Variants in AFF1 observed in about 807,000 individuals in gnomAD.
AFF1 encodes the protein AF4/FMR2 family member 1.
A neutral mutation model predicts 121.7 loss-of-function variants in AFF1; 48 were observed. The observed-to-expected ratio is 0.39, with a 90% CI of 0.31 to 0.50. The LOEUF is 0.50. Ranked by LOEUF, AFF1 falls within the 20% of genes least tolerant of loss-of-function variation. The pLI is 0.76. For synonymous variants in AFF1, 613 were observed against 563.0 expected (o/e 1.09, Z -1.26); for missense variants, 1,523 against 1,511.7 (o/e 1.01, Z -0.12).
intron 2 of AFF1, among the ~76,000 whole-genome samples, chr4:86,977,495 G>T (rs1723388780): frequency 6.6e-6 from 1 of 152,172 alleles, no homozygotes; most frequent in Non-Finnish European, 1.5e-5. Context: ...GTTTTAGAGG[G>T]AGTGTGAGCA....
In AFF1 at chr4:87,090,058, T is replaced by G; in HGVS notation, c.1179T>G (p.Pro393=). The G allele has an allele frequency of 6.2e-7, 1 of 1,613,740 alleles. No homozygotes were observed. The highest frequency in any genetic ancestry group is 8.5e-7 in the Non-Finnish European group (1 of 1,179,708). Residue 393 remains proline (P), a synonymous_variant, in exon 6 of 21, where the codon CCT becomes CCG. Coordinates refer to ENST00000395146, the MANE Select transcript of AFF1 (RefSeq NM_001166693.3). The part of the protein sequence containing the change: ...TPSTAEPSKF[P]FPTKDSQHVS... ...GTACAGCTGAGCCATCCAAGTTTCC[T>G]TTCCCTACAAAGGTAATTCCTTAAA...
chr4:87,031,445 T>A (rs1212736237), intron 2 of AFF1, among the ~76,000 whole-genome samples: 1 of 152,048 alleles, frequency 6.6e-6, no homozygotes, highest in Non-Finnish European at 1.5e-5. Flanking sequence ...ATATGTTTTT[T>A]TTTTTTTCTT....
intron 2 of AFF1, among the ~76,000 whole-genome samples, chr4:87,023,995 A>G (rs142326368): frequency 3.3e-5 from 5 of 152,282 alleles, no homozygotes; most frequent in East Asian, 1.9e-4. Context: ...ATTTTGATCT[A>G]TGGTAATAGC....
In AFF1 at chr4:87,108,301, A is replaced by T. The variant is rs768554619; in HGVS notation, c.1519A>T (p.Thr507Ser). The T allele has an allele frequency of 1.6e-5, 26 of 1,613,062 alleles. No individual in the cohort carries two copies. The Admixed American group carries it at 4.3e-4, about 27-fold the overall frequency. ...CAGCGAAGAAAATGAGCCCCTAGAA[A>T]CCCCAGCTCCGGAGGTACCGTGTTC... ...SDSEENEPLE[T>S]PAPEPEPPTT... The change falls in exon 11 of 21, where the codon ACC (threonine) becomes TCC (serine). Residue 507 changes from threonine to serine, a missense_variant. Coordinates refer to ENST00000395146, the MANE Select transcript of AFF1 (RefSeq NM_001166693.3).
intron 2 of AFF1, among the ~76,000 whole-genome samples, chr4:87,018,532 T>C (rs1727580932): frequency 6.6e-6 from 1 of 152,216 alleles, no homozygotes; most frequent in African/African-American, 2.4e-5. Flanking sequence ...ATGGCTTTTT[T>C]TGAGACAGAA....
intron 2 of AFF1, among the ~76,000 whole-genome samples, chr4:86,973,485 T>TA (rs1375602096): frequency 2.0e-5 from 3 of 152,184 alleles, no homozygotes; most frequent in African/African-American, 2.4e-5. Context: ...CTACACCCCT[T>TA]ACGGTAGAGA....
intron 2 of AFF1, among the ~76,000 whole-genome samples, chr4:86,990,311 T>A (rs1012850144): frequency 2.2e-5 from 3 of 139,238 alleles, no homozygotes; most frequent in African/African-American, 8.8e-5. Flanking sequence ...AGTGAGACCT[T>A]GTCCCTATTT....
chr4:87,123,786 T>G (rs1727951279), intron 12 of AFF1, among the ~76,000 whole-genome samples: 1 of 152,182 alleles, frequency 6.6e-6, no homozygotes, highest in Non-Finnish European at 1.5e-5. Context: ...TTTCTTAAAC[T>G]CGGGAGGAGA....
chr4:87,020,010 C>T (rs1196502260), intron 2 of AFF1, among the ~76,000 whole-genome samples: 1 of 17,350 alleles, frequency 5.8e-5, no homozygotes. Flanking sequence ...TCTGTGTTGA[C>T]GATTGTTGTG....
chr4:87,055,701 G>A (rs1443606577), intron 4 of AFF1, among the ~76,000 whole-genome samples: 1 of 152,212 alleles, frequency 6.6e-6, no homozygotes, highest in Non-Finnish European at 1.5e-5. Flanking sequence ...GATATTCCAA[G>A]GGGAATCTTG....
chr4:87,133,497 G>T (rs1053351193), intron 19 of AFF1, among the ~76,000 whole-genome samples: 3 of 152,206 alleles, frequency 2.0e-5, no homozygotes, highest in Non-Finnish European at 4.4e-5. Flanking sequence ...AGATTTTCAT[G>T]GCTGCTGCAT....
intron 4 of AFF1, among the ~76,000 whole-genome samples, chr4:87,065,851 G>A (rs1235715505): frequency 6.6e-6 from 1 of 152,008 alleles, no homozygotes. Flanking sequence ...AAATGTTTTT[G>A]GTACTGACTA....
At chr4:87,001,755 G>C (rs1321725361) in intron 2 of AFF1, among the ~76,000 whole-genome samples, 1 of 152,214 alleles carries the variant, frequency 6.6e-6, no homozygotes, top group Non-Finnish European at 1.5e-5. Context: ...TTAATTTCCA[G>C]TGGTGCTCAT....
At chr4:87,101,622 G>A (rs1725441906) in intron 8 of AFF1, among the ~76,000 whole-genome samples, 1 of 152,048 alleles carries the variant, frequency 6.6e-6, no homozygotes, top group Non-Finnish European at 1.5e-5. Context: ...GTGCTCTGGA[G>A]CCCAGCCTCT....
intron 4 of AFF1, chr4:87,048,100 TGACA>T (rs1241533234): frequency 2.5e-5 from 4 of 158,920 alleles, no homozygotes; most frequent in Admixed American, 2.4e-4. Context: ...AAAAACAAGA[TGACA>T]GAGTCTCTTA....
At chr4:87,023,179 G>A (rs1255380338) in intron 2 of AFF1, among the ~76,000 whole-genome samples, 3 of 152,112 alleles carry the variant, frequency 2.0e-5, no homozygotes, top group Non-Finnish European at 4.4e-5. Flanking sequence ...GGGATTAAAG[G>A]TGTAAGCCAC....
rs74976157 is a variant in AFF1, at chr4:86,982,353, A to G, written c.38+33782A>G. Among the ~76,000 whole-genome samples the G allele has an allele frequency of 3.8e-3, 575 of 151,420 alleles. 2 individuals are homozygous for G. Among genetic ancestry groups the G allele is most frequent in the Middle Eastern group, 6.8e-3 (2 of 292 alleles). On this transcript the variant is annotated intron_variant, in intron 2 of 20. Coordinates refer to ENST00000395146, the MANE Select transcript of AFF1 (RefSeq NM_001166693.3). Reference sequence around the variant, plus strand: ...ATTGTGTCAGAAATTATATGACAAGAAGAAGGCAAGCGCTGTTCAAAGAAA... The same window carrying G: ...ATTGTGTCAGAAATTATATGACAAGGAGAAGGCAAGCGCTGTTCAAAGAAA...
rs575523380 is a variant in AFF1, at chr4:87,011,463, A to G, written c.39-34703A>G. Among the ~76,000 whole-genome samples the G allele has an allele frequency of 1.2e-4, 19 of 152,328 alleles. No homozygotes were observed. In the East Asian group the frequency reaches 2.7e-3, roughly 22 times the overall value. ...CAAAAAGCAATGCTCTTAAACTGGT[A>G]TAGATCCAGTTTTGCCCTGCCCTAT... On this transcript the variant is annotated intron_variant, in intron 2 of 20. Coordinates refer to ENST00000395146, the MANE Select transcript of AFF1 (RefSeq NM_001166693.3).
In AFF1 at chr4:86,995,840, T is replaced by C. The variant is rs1395694276; in HGVS notation, c.38+47269T>C. 8.4e-4 allele frequency among the ~76,000 whole-genome samples: 122 copies of C among 144,496 alleles called. 1 individual carries two copies. Among genetic ancestry groups the C allele is most frequent in the Non-Finnish European group, 2.4e-4 (16 of 66,092 alleles). 94.8% of individuals were successfully genotyped at this position (144,496 alleles called of 152,430 possible). On this transcript the variant is annotated intron_variant, in intron 2 of 20. Coordinates refer to ENST00000395146, the MANE Select transcript of AFF1 (RefSeq NM_001166693.3). ...CTGGAAAGTGAGGAGCGTCTCTGCC[T>C]GGCCGCCATCCCATCTGGGAAGTGA... is the stretch of plus-strand genomic sequence containing the variant.
Sources: allele counts gnomAD v4.1 joint callset (sites outside exome capture counted in the v4.1 genomes callset), GRCh38; gene constraint gnomAD v4.1.1; transcripts MANE v1.5; gene names NCBI Gene and HGNC (gene_info 2026-07-23, HGNC 2026-07-21).